The following ENTREP2 variants were observed in gnomAD, a reference collection of about 807,000 sequenced individuals.
ENTREP2 encodes the protein endosomal transmembrane epsin interactor 2.
chr15:29,538,962 G>A, the ENTREP2 span, among the ~76,000 whole-genome samples: 1 of 152,296 alleles, frequency 6.6e-6, no homozygotes, highest in East Asian at 1.9e-4. Context: ...CAAAAATTCA[G>A]TTCAAGTGGC....
chr15:29,247,565 TA>T, the ENTREP2 span, among the ~76,000 whole-genome samples: 1 of 152,194 alleles, frequency 6.6e-6, no homozygotes, highest in South Asian at 2.1e-4. Context: ...TGAATATGAA[TA>T]AAAAGTCCAG....
chr15:29,123,348 G>C, the ENTREP2 span: 2 of 1,534,564 alleles, frequency 1.3e-6, no homozygotes, highest in Non-Finnish European at 1.8e-6. Context: ...TTCATACCTG[G>C]TCCAGAACGT....
chr15:29,409,521 C>T, the ENTREP2 span, among the ~76,000 whole-genome samples: 1 of 152,046 alleles, frequency 6.6e-6, no homozygotes, highest in Non-Finnish European at 1.5e-5. Context: ...AGACAGGTTT[C>T]ACCATGTTGG....
the ENTREP2 span, among the ~76,000 whole-genome samples, chr15:29,527,884 C>T: frequency 1.3e-5 from 2 of 152,110 alleles, no homozygotes; most frequent in African/African-American, 2.4e-5. Context: ...TCCATTCTCA[C>T]GGGCTTGCTG....
chr15:29,417,531 A>G, the ENTREP2 span, among the ~76,000 whole-genome samples: 1 of 152,180 alleles, frequency 6.6e-6, no homozygotes, highest in Non-Finnish European at 1.5e-5. Context: ...ATTAGGAGAT[A>G]TATCTAATGC....
At chr15:29,389,514 T>A in the ENTREP2 span, among the ~76,000 whole-genome samples, 5 of 152,134 alleles carry the variant, frequency 3.3e-5, no homozygotes, top group Non-Finnish European at 7.3e-5. Flanking sequence ...TGTTCATCAG[T>A]GAGCTTCTGT....
At chr15:29,233,048 TCTGTG>T in the ENTREP2 span, among the ~76,000 whole-genome samples, 1 of 152,214 alleles carries the variant, frequency 6.6e-6, no homozygotes, top group Non-Finnish European at 1.5e-5. Context: ...CTAATCCTTC[TCTGTG>T]CTGTATTTGA....
the ENTREP2 span, among the ~76,000 whole-genome samples, chr15:29,286,751 G>A: frequency 6.6e-6 from 1 of 152,206 alleles, no homozygotes; most frequent in Non-Finnish European, 1.5e-5. Flanking sequence ...ATAGAAGAGT[G>A]AGGCCGTTTA....
chr15:29,424,954 C>G, the ENTREP2 span, among the ~76,000 whole-genome samples: 1 of 152,164 alleles, frequency 6.6e-6, no homozygotes, highest in Non-Finnish European at 1.5e-5. Context: ...TCATCAAAAC[C>G]CATCAGACAG....
chr15:29,564,169 G>A, the ENTREP2 span, among the ~76,000 whole-genome samples: 1 of 151,908 alleles, frequency 6.6e-6, no homozygotes, highest in South Asian at 2.1e-4. Flanking sequence ...CTACTGATCT[G>A]TGAAAGACTC....
chr15:29,539,552 G>C, the ENTREP2 span, among the ~76,000 whole-genome samples: 2 of 152,012 alleles, frequency 1.3e-5, no homozygotes, highest in Non-Finnish European at 2.9e-5. Context: ...ACTTTCACTA[G>C]CTCTGCCCTT....
the ENTREP2 span, among the ~76,000 whole-genome samples, chr15:29,142,604 G>A: frequency 3.9e-5 from 6 of 152,270 alleles, no homozygotes; most frequent in East Asian, 1.2e-3. Flanking sequence ...AGCCAGCACC[G>A]CTTAACCAGC....
At chr15:29,383,480 T>C in the ENTREP2 span, among the ~76,000 whole-genome samples, 5,970 of 152,242 alleles carry the variant, frequency 0.039, 171 homozygotes, top group Middle Eastern at 0.058. Flanking sequence ...AAAAGGAAGG[T>C]GTTTGCAGAC....
the ENTREP2 span, among the ~76,000 whole-genome samples, chr15:29,609,515 C>T: frequency 6.7e-5 from 10 of 149,958 alleles, 2 homozygotes; most frequent in East Asian, 1.9e-3. Flanking sequence ...CTCTCTCTCA[C>T]CTCTCTTTGC....
chr15:29,336,226 C>G, the ENTREP2 span, among the ~76,000 whole-genome samples: 1 of 151,998 alleles, frequency 6.6e-6, no homozygotes, highest in Admixed American at 6.6e-5. Context: ...AGTTCACAGC[C>G]AATGATAATT....
chr15:29,561,488 C>T, the ENTREP2 span, among the ~76,000 whole-genome samples: 40 of 152,060 alleles, frequency 2.6e-4, no homozygotes, highest in African/African-American at 9.6e-4. Flanking sequence ...GAGATCGAGA[C>T]CATCTTGGCT....
chr15:29,285,042 T>C, the ENTREP2 span, among the ~76,000 whole-genome samples: 1 of 152,150 alleles, frequency 6.6e-6, no homozygotes, highest in Non-Finnish European at 1.5e-5. Flanking sequence ...ATTCCCAGGG[T>C]TTCTCCTCCA....
chr15:29,381,506 C>T, the ENTREP2 span, among the ~76,000 whole-genome samples: 1 of 140,508 alleles, frequency 7.1e-6, no homozygotes, highest in South Asian at 2.5e-4. Flanking sequence ...TCGGTCCTTA[C>T]AGGAGGACAG....
the ENTREP2 span, chr15:29,117,782 ACT>A: frequency 6.6e-6 from 1 of 151,756 alleles, no homozygotes; most frequent in Non-Finnish European, 1.5e-5. Context: ...TTTTTTCCAG[ACT>A]CTAGGGTTTT....
Sources: allele counts gnomAD v4.1 joint callset (sites outside exome capture counted in the v4.1 genomes callset), GRCh38; gene constraint gnomAD v4.1.1; transcripts MANE v1.5; gene names NCBI Gene and HGNC (gene_info 2026-07-23, HGNC 2026-07-21).